STEAP3: variants seen among roughly 807,000 people sequenced by gnomAD.
STEAP3 encodes metalloreductase STEAP3.
A neutral mutation model predicts 34.9 loss-of-function variants in STEAP3; 35 were observed. That is an observed-to-expected ratio of 1.00 (90% CI 0.76 to 1.33). The LOEUF (loss-of-function observed/expected upper bound fraction) is 1.33. Among genes scored for constraint, STEAP3 ranks in the 40% most tolerant of loss-of-function variants. The probability of loss-of-function intolerance (pLI) is 0.00; values close to 1 mark genes in which losing one functional copy is unlikely to be tolerated. For missense variants in STEAP3, 652 were observed against 667.6 expected, an observed-to-expected ratio of 0.98 and a Z score of 0.26; for synonymous variants, 281 against 301.6, an observed-to-expected ratio of 0.93 and a Z score of 0.71.
chr2:119,262,529 C>A (rs1344873897), intron 5 of STEAP3, among the ~76,000 whole-genome samples: 3 of 152,126 alleles, frequency 2.0e-5, no homozygotes. Flanking sequence ...CACATGCTGC[C>A]ACAGCCTGGC....
In STEAP3 at chr2:119,247,534, T is replaced by C. The variant is rs571254706; in HGVS notation, c.523-145T>C. 13 of 955,348 alleles carry C rather than the reference T, an allele frequency of 1.4e-5. No individual in the cohort carries two copies. The East Asian group carries it at 2.5e-4, about 18-fold the overall frequency. 59.2% of individuals were successfully genotyped at this position (955,348 alleles called of 1,614,324 possible). ...CCCTAGCCTGGGAGCTAGAACCCCA[T>C]TGGCTCCCACCTGTACCATTGACTG... On this transcript the variant is annotated intron_variant, in intron 3 of 5. Transcript: ENST00000393110.
intron 2 of STEAP3, among the ~76,000 whole-genome samples, chr2:119,242,701 T>C (rs1677284152): frequency 6.6e-6 from 1 of 152,198 alleles, no homozygotes; most frequent in Non-Finnish European, 1.5e-5. Context: ...CTTTACACAA[T>C]TGACTTATTT....
At position 119,245,542 on chromosome 2, in the gene STEAP3, G is replaced by A. The variant is rs1348234297; in HGVS notation, c.76G>A (p.Asp26Asn). Reference protein sequence around the residue: ...DKPLISLHLVDSDSSLAKVPD... With the variant: ...DKPLISLHLVNSDSSLAKVPD... ...GCCACTGATCAGCCTCCACCTGGTG[G>A]ACAGCGATAGTAGCCTTGCCAAGGT... is the stretch of plus-strand genomic sequence containing the variant. Residue 26 changes from aspartate to asparagine, a missense_variant, in exon 3 of 6, where the codon GAC (aspartate) becomes AAC (asparagine). Physicochemically the swap from Asp to Asn is conservative, Grantham distance 23. Transcript: ENST00000393110. The A allele has an allele frequency of 1.9e-6, 3 of 1,600,540 alleles. No individual in the cohort carries two copies. The highest frequency in any genetic ancestry group is 2.6e-6 in the Non-Finnish European group (3 of 1,168,962).
chr2:119,236,161 G>T (rs895198924), intron 2 of STEAP3, among the ~76,000 whole-genome samples: 4 of 152,134 alleles, frequency 2.6e-5, no homozygotes, highest in African/African-American at 9.7e-5. Flanking sequence ...ATTGATTTGG[G>T]TGCATCTATT....
chr2:119,248,598 G>A (rs962395520), intron 4 of STEAP3: 2 of 178,234 alleles, frequency 1.1e-5, no homozygotes, highest in Admixed American at 1.2e-4. Context: ...TGGAAGGAGG[G>A]GAGAGGGGCC....
At chr2:119,255,000 C>G in intron 5 of STEAP3, 152 bp downstream of exon 5, 1 of 965,252 alleles carries the variant, frequency 1.0e-6, no homozygotes, top group African/African-American at 1.6e-5. Flanking sequence ...ACCCAGAGGG[C>G]CCATCCAAGC....
chr2:119,258,768 T>C (rs1012682074), intron 5 of STEAP3, among the ~76,000 whole-genome samples: 1 of 140,692 alleles, frequency 7.1e-6, no homozygotes, highest in Non-Finnish European at 1.5e-5. Context: ...GCACCACACC[T>C]GGCTAATTTT....
chr2:119,225,249 G>A (rs1251784864), intron 1 of STEAP3, among the ~76,000 whole-genome samples: 2 of 152,240 alleles, frequency 1.3e-5, no homozygotes, highest in African/African-American at 4.8e-5. Context: ...CAGAGGGGCT[G>A]GCAAGGAGCA....
At chr2:119,241,899 C>T (rs996094547) in intron 2 of STEAP3, among the ~76,000 whole-genome samples, 1 of 152,204 alleles carries the variant, frequency 6.6e-6, no homozygotes, top group Non-Finnish European at 1.5e-5. Flanking sequence ...GTAAATCATT[C>T]GAGGTTTTTC....
chr2:119,233,961 C>G (rs965344610), intron 2 of STEAP3, among the ~76,000 whole-genome samples: 2 of 152,148 alleles, frequency 1.3e-5, no homozygotes, highest in Non-Finnish European at 2.9e-5. Context: ...GGGTGGAGGC[C>G]GATTTCCAGT....
intron 2 of STEAP3, among the ~76,000 whole-genome samples, chr2:119,237,356 G>A (rs550650077): frequency 6.6e-6 from 1 of 152,260 alleles, no homozygotes; most frequent in Admixed American, 6.5e-5. Context: ...GAGAGAGGAA[G>A]TAAGAGAGAG....
At chr2:119,255,046 C>T (rs962407702) in intron 5 of STEAP3, among the ~76,000 whole-genome samples, 198 bp downstream of exon 5, 1 of 152,174 alleles carries the variant, frequency 6.6e-6, no homozygotes, top group African/African-American at 2.4e-5. Flanking sequence ...AGCTTAACCT[C>T]CCAACACATG....
chr2:119,253,863 G>T (rs1243358064), intron 4 of STEAP3, among the ~76,000 whole-genome samples: 2 of 152,144 alleles, frequency 1.3e-5, no homozygotes, highest in South Asian at 4.1e-4. Context: ...GTAAGGGCAG[G>T]TATCTTTATT....
At chr2:119,253,712 C>T (rs838076) in intron 4 of STEAP3, among the ~76,000 whole-genome samples, 8 of 152,198 alleles carry the variant, frequency 5.3e-5, no homozygotes, top group African/African-American at 9.6e-5. Context: ...GGGCACTATG[C>T]GAGTGAGTGT....
rs892651098 is a variant in STEAP3, at chr2:119,264,977, C to T, written c.*1639C>T. ...TGCAGGTATTTTCCATCTGCTGTGC[C>T]AAGGCTGAGCGGCAGAAACTTGTCT... On this transcript the variant is annotated 3_prime_UTR_variant, in exon 6 of 6. Coordinates refer to ENST00000393110, the MANE Select transcript of STEAP3 (RefSeq NM_182915.3). 6.6e-6 allele frequency: 1 copy of T among 152,230 alleles called. No homozygotes were observed. Among genetic ancestry groups the T allele is most frequent in the Non-Finnish European group, 1.5e-5 (1 of 68,064 alleles). The allele number at this position is 152,230 out of a possible 1,614,324, so 9.4% of individuals were successfully genotyped here.
chr2:119,260,035 G>A (rs988760915), intron 5 of STEAP3, among the ~76,000 whole-genome samples: 2 of 152,120 alleles, frequency 1.3e-5, no homozygotes, highest in African/African-American at 2.4e-5. Flanking sequence ...CAGATGCCCC[G>A]CCCCAAACCA....
chr2:119,241,002 ACT>A lies in STEAP3; in HGVS notation c.23-4486_23-4485del, dbSNP rs1209355450. Among the ~76,000 whole-genome samples, 6 of 152,188 alleles carry A rather than the reference ACT, an allele frequency of 3.9e-5. No individual in the cohort carries two copies. The South Asian group carries it at 6.2e-4, about 16-fold the overall frequency. On this transcript the variant is annotated intron_variant, in intron 2 of 5. Transcript: ENST00000393110. ...GGGGGCAGAAGAATTGAACGTGGCC[ACT>A]GTCCATGAAGAAGTTAGAGAAGAGT...
At chr2:119,244,792 GA>G in intron 2 of STEAP3, 1 of 152,184 alleles carries the variant, frequency 6.6e-6, no homozygotes, top group Non-Finnish European at 1.5e-5. Context: ...GCTCAGCAAA[GA>G]AGATCACAGG....
At chr2:119,237,343 G>A (rs1395153408) in intron 2 of STEAP3, among the ~76,000 whole-genome samples, 1 of 152,130 alleles carries the variant, frequency 6.6e-6, no homozygotes, top group East Asian at 1.9e-4. Flanking sequence ...GAGATCACCT[G>A]GGGAGAGAGG....
Sources: allele counts gnomAD v4.1 joint callset (sites outside exome capture counted in the v4.1 genomes callset), GRCh38; gene constraint gnomAD v4.1.1; transcripts MANE v1.5; gene names NCBI Gene and HGNC (gene_info 2026-07-23, HGNC 2026-07-21).